TSPEAR: variants seen among roughly 807,000 people sequenced by gnomAD.
TSPEAR encodes thrombospondin type laminin G domain and EAR repeats, also known as thrombospondin-type laminin G domain and EAR repeat-containing protein.
In TSPEAR, 69 loss-of-function variants were observed where a neutral mutation model predicts 71.6. The ratio of observed to expected loss-of-function variants is 0.96; its 90% CI spans 0.79 to 1.18. TSPEAR has a LOEUF of 1.18. TSPEAR is among the 50% of genes most tolerant of loss of function. The pLI, the probability that TSPEAR is intolerant of heterozygous loss-of-function variation, is 0.00. For missense variants in TSPEAR, 971 were observed against 894.9 expected (o/e 1.09, Z -1.09); for synonymous variants, 402 against 387.2 (o/e 1.04, Z -0.45).
intron 1 of TSPEAR, chr21:44,654,471 G>C (rs1555942152): frequency 6.2e-7 from 1 of 1,613,876 alleles, no homozygotes; most frequent in African/African-American, 1.3e-5. Context: ...CCCCACACAG[G>C]GGCCGGCACA....
chr21:44,582,691 C>T (rs370766531), intron 1 of TSPEAR, among the ~76,000 whole-genome samples: 1 of 152,180 alleles, frequency 6.6e-6, no homozygotes, highest in Non-Finnish European at 1.5e-5. Flanking sequence ...TCTAAGTCCA[C>T]GCCCTGCGCT....
At chr21:44,649,102 C>A (rs1291260100) in intron 1 of TSPEAR, among the ~76,000 whole-genome samples, 1 of 152,242 alleles carries the variant, frequency 6.6e-6, no homozygotes, top group East Asian at 1.9e-4. Context: ...AACCGCAAAG[C>A]TCCCTCCACC....
At chr21:44,526,613 C>T (rs782401392) in intron 7 of TSPEAR, among the ~76,000 whole-genome samples, 10 of 152,260 alleles carry the variant, frequency 6.6e-5, no homozygotes, top group Non-Finnish European at 1.3e-4. Flanking sequence ...TGCTTTAGCC[C>T]TGTGTCCAGG....
chr21:44,575,437 A>G (rs2146090497), intron 1 of TSPEAR: 1 of 197,154 alleles, frequency 5.1e-6, no homozygotes, highest in African/African-American at 2.3e-5. Context: ...TTTGTGCACA[A>G]CCCTCTGCTG....
chr21:44,579,922 G>A (rs782261185), intron 1 of TSPEAR: 34 of 1,614,056 alleles, frequency 2.1e-5, no homozygotes, highest in Non-Finnish European at 2.7e-5. Flanking sequence ...GGGACACGGA[G>A]GAGGAGGGTC....
intron 2 of TSPEAR, among the ~76,000 whole-genome samples, chr21:44,553,608 AAAT>A (rs1425643487): frequency 1.3e-5 from 2 of 152,234 alleles, no homozygotes; most frequent in African/African-American, 2.4e-5. Context: ...GGAGAAAAAA[AAAT>A]AAGATCAAAG....
chr21:44,612,066 C>T lies in TSPEAR; in HGVS notation c.83-44061G>A. 2 of 1,597,776 alleles carry T rather than the reference C, an allele frequency of 1.3e-6. No individual in the cohort carries two copies. The highest frequency in any genetic ancestry group is 8.5e-7 in the Non-Finnish European group (1 of 1,169,628). On this transcript the variant is annotated intron_variant, in intron 1 of 11. Transcript: ENST00000323084. The surrounding 1 kb of genome is among the most constrained non-coding windows in gnomAD (Gnocchi z 4.1). Reference sequence around the variant, plus strand: ...AGGGCACACAAACCCACACACCTCACACCAGCACTCACACCACCCAGTCCA... The same window carrying T: ...AGGGCACACAAACCCACACACCTCATACCAGCACTCACACCACCCAGTCCA...
At chr21:44,620,177 CA>C (rs1159990677) in intron 1 of TSPEAR, among the ~76,000 whole-genome samples, 2 of 152,212 alleles carry the variant, frequency 1.3e-5, no homozygotes, top group African/African-American at 4.8e-5. Context: ...GGTTTGGGCA[CA>C]GGGGTGGGGA....
At chr21:44,533,529 A>G (rs993498678) in intron 3 of TSPEAR, among the ~76,000 whole-genome samples, 156 bp downstream of exon 3, 7 of 150,124 alleles carry the variant, frequency 4.7e-5, no homozygotes, top group Non-Finnish European at 1.0e-4. Context: ...TGCCCCGTGG[A>G]TGGCTCCTGC....
In TSPEAR at chr21:44,623,521, C is replaced by T. The variant is rs1349951688; in HGVS notation, c.83-55516G>A. ...TCCCCATGTTGTCCTCCTTTTGTTA[C>T]ACTTCATTTCCTTTTCGACTTCTTG... On this transcript the variant is annotated intron_variant, in intron 1 of 11. Coordinates refer to ENST00000323084, the MANE Select transcript of TSPEAR (RefSeq NM_144991.3). The surrounding 1 kb of genome is among the most constrained non-coding windows in gnomAD (Gnocchi z 4.5). 2.0e-5 allele frequency among the ~76,000 whole-genome samples: 3 copies of T among 152,212 alleles called. No homozygotes were observed. The highest frequency in any genetic ancestry group is 4.8e-5 in the African/African-American group (2 of 41,462).
chr21:44,697,389 G>T (rs782079964), intron 1 of TSPEAR: 1 of 1,613,494 alleles, frequency 6.2e-7, no homozygotes, highest in South Asian at 1.1e-5. Context: ...AGCCCCTGCT[G>T]CCGAGTGACC....
At chr21:44,635,867 G>A (rs1457306514) in intron 1 of TSPEAR, among the ~76,000 whole-genome samples, 6 of 152,134 alleles carry the variant, frequency 3.9e-5, no homozygotes, top group African/African-American at 1.2e-4. Flanking sequence ...GAAGCCCCTC[G>A]CTCTGCAATG....
intron 4 of TSPEAR, 68 bp downstream of exon 4, chr21:44,530,975 G>C: frequency 7.9e-7 from 1 of 1,267,236 alleles, no homozygotes; most frequent in Non-Finnish European, 1.1e-6. Context: ...TAGAGCAGTA[G>C]GACAACTGGC....
At chr21:44,681,670 G>T (rs1179718771) in intron 1 of TSPEAR, 3 of 973,614 alleles carry the variant, frequency 3.1e-6, no homozygotes, top group Non-Finnish European at 2.9e-6. Context: ...AGTTCAGCCA[G>T]GGCTCCAGAT....
At chr21:44,507,637 C>T (rs181375523) in intron 10 of TSPEAR, among the ~76,000 whole-genome samples, 22 of 152,334 alleles carry the variant, frequency 1.4e-4, no homozygotes, top group Non-Finnish European at 2.8e-4. Context: ...TGTCAGTTCC[C>T]GCAGCTTTCA....
Position 44,662,587 on chromosome 21 carries a change from A to G in TSPEAR, c.82+48846T>C, listed in dbSNP as rs587727723. On this transcript the variant is annotated intron_variant, in intron 1 of 11. Coordinates refer to ENST00000323084, the MANE Select transcript of TSPEAR (RefSeq NM_144991.3). Reference sequence around the variant, plus strand: ...GTAGACAGAAAATCAGGAAGGATACAGAAGGCCTGGACAACACTGTCAATC... The same window carrying G: ...GTAGACAGAAAATCAGGAAGGATACGGAAGGCCTGGACAACACTGTCAATC... 2.0e-5 allele frequency among the ~76,000 whole-genome samples: 3 copies of G among 152,370 alleles called. No individual in the cohort carries two copies. The South Asian group carries it at 6.2e-4, about 32-fold the overall frequency.
intron 1 of TSPEAR, among the ~76,000 whole-genome samples, chr21:44,665,569 A>T (rs1344970633): frequency 6.6e-6 from 1 of 152,184 alleles, no homozygotes; most frequent in African/African-American, 2.4e-5. Flanking sequence ...ATACATAGAG[A>T]TATGACTCAA....
intron 1 of TSPEAR, among the ~76,000 whole-genome samples, chr21:44,624,372 A>G (rs1982636745): frequency 6.6e-6 from 1 of 152,166 alleles, no homozygotes; most frequent in Non-Finnish European, 1.5e-5. Flanking sequence ...GGTCCTGTGT[A>G]TCTGTTTCTC....
chr21:44,608,899 G>C (rs1166313585), intron 1 of TSPEAR, among the ~76,000 whole-genome samples: 22 of 152,196 alleles, frequency 1.4e-4, no homozygotes. Context: ...AAAAATATCA[G>C]TGAAAAAGTT....
Sources: gnomAD v4.1 joint callset for allele counts (sites outside exome capture counted in the v4.1 genomes callset) on GRCh38, gnomAD v4.1.1 for gene constraint, Gnocchi (gnomAD v3.1) non-coding constraint, MANE v1.5 for transcripts, NCBI Gene and HGNC (gene_info 2026-07-23, HGNC 2026-07-21) for gene names.